The following ATG10 variants were observed in gnomAD, a reference collection of about 807,000 sequenced individuals.
The protein encoded by ATG10 is autophagy related 10.
In ATG10, 30 loss-of-function variants were observed where a neutral mutation model predicts 32.1. The ratio of observed to expected loss-of-function variants is 0.94; its 90% CI spans 0.70 to 1.27. The LOEUF (loss-of-function observed/expected upper bound fraction) is 1.27. Ranked by LOEUF, ATG10 falls within the 50% of genes most tolerant of loss-of-function variation. The pLI is 0.00. For synonymous variants in ATG10, 87 were observed against 91.5 expected, an observed-to-expected ratio of 0.95 and a Z score of 0.28; for missense variants, 233 against 262.3, an observed-to-expected ratio of 0.89 and a Z score of 0.77.
chr5:82,019,167 C>A (rs1246540377), intron 2 of ATG10, among the ~76,000 whole-genome samples: 2 of 152,112 alleles, frequency 1.3e-5, no homozygotes, highest in East Asian at 3.9e-4. Flanking sequence ...AATTAAAAAA[C>A]AAGTCAGTAT....
intron 2 of ATG10, among the ~76,000 whole-genome samples, chr5:82,048,859 C>A (rs1469976226): frequency 6.6e-6 from 1 of 152,162 alleles, no homozygotes. Flanking sequence ...TACCATCTCA[C>A]ACCAGTTAGA....
chr5:82,100,525 A>C (rs1040145606), intron 3 of ATG10, among the ~76,000 whole-genome samples: 1 of 152,114 alleles, frequency 6.6e-6, no homozygotes, highest in African/African-American at 2.4e-5. Flanking sequence ...ATTCTTAGAA[A>C]GAGAAAAAGA....
intron 3 of ATG10, among the ~76,000 whole-genome samples, chr5:82,156,646 G>T (rs993277785): frequency 2.6e-5 from 4 of 152,156 alleles, no homozygotes; most frequent in African/African-American, 9.7e-5. Flanking sequence ...TATGTCACAT[G>T]TAAAGGGTAA....
chr5:82,075,781 A>G (rs1764256892), intron 3 of ATG10, among the ~76,000 whole-genome samples: 1 of 152,094 alleles, frequency 6.6e-6, no homozygotes, highest in African/African-American at 2.4e-5. Flanking sequence ...CTAAAAATAC[A>G]AAAATTAGCC....
chr5:81,975,097 G>T (rs1017738596), intron 1 of ATG10, among the ~76,000 whole-genome samples: 19 of 152,098 alleles, frequency 1.2e-4, no homozygotes, highest in African/African-American at 4.6e-4. Flanking sequence ...ATAAAATAAA[G>T]AAAATCCTAG....
chr5:82,010,817 A>C (rs1407583112), intron 2 of ATG10, among the ~76,000 whole-genome samples: 1 of 152,216 alleles, frequency 6.6e-6, no homozygotes, highest in Non-Finnish European at 1.5e-5. Flanking sequence ...CTTCCAGAAC[A>C]AGTTGTGCAC....
At chr5:82,037,897 G>A (rs913069915) in intron 2 of ATG10, among the ~76,000 whole-genome samples, 1 of 151,760 alleles carries the variant, frequency 6.6e-6, no homozygotes. Flanking sequence ...ATTCATTTGT[G>A]GATTCAACTT....
At chr5:82,053,993 G>A (rs1233396323) in intron 2 of ATG10, among the ~76,000 whole-genome samples, 2 of 152,294 alleles carry the variant, frequency 1.3e-5, no homozygotes, top group South Asian at 4.1e-4. Flanking sequence ...ATGAGCTATG[G>A]TGTTCATGAA....
At chr5:82,084,735 C>A (rs191640651) in intron 3 of ATG10, among the ~76,000 whole-genome samples, 220 of 152,246 alleles carry the variant, frequency 1.4e-3, no homozygotes, top group Non-Finnish European at 1.7e-3. Context: ...CCAAACTAAG[C>A]TTCATAAGTG....
chr5:82,197,422 C>A (rs981194853), intron 5 of ATG10, among the ~76,000 whole-genome samples: 3 of 151,910 alleles, frequency 2.0e-5, no homozygotes, highest in Non-Finnish European at 4.4e-5. Flanking sequence ...ATTCTCTAAC[C>A]CTAACCAGCT....
chr5:82,162,628 C>G (rs2149897764), intron 3 of ATG10, among the ~76,000 whole-genome samples: 1 of 152,036 alleles, frequency 6.6e-6, no homozygotes, highest in South Asian at 2.1e-4. Context: ...TAGCAGAAAA[C>G]TATAATCAAC....
At chr5:82,165,657 C>G (rs1247828731) in intron 4 of ATG10, among the ~76,000 whole-genome samples, 2 of 152,158 alleles carry the variant, frequency 1.3e-5, no homozygotes, top group African/African-American at 4.8e-5. Flanking sequence ...CAAACTCTTG[C>G]TGTGGATTTA....
chr5:82,124,206 C>T (rs1049929092), intron 3 of ATG10, among the ~76,000 whole-genome samples: 17 of 150,920 alleles, frequency 1.1e-4, no homozygotes, highest in African/African-American at 1.9e-4. Context: ...GGCTTCACCA[C>T]GTTAGCCAGG....
intron 2 of ATG10, among the ~76,000 whole-genome samples, chr5:82,011,353 C>T (rs1762122793): frequency 6.6e-6 from 1 of 152,164 alleles, no homozygotes. Context: ...CTCTGCCCTC[C>T]TTGCCCATCA....
intron 3 of ATG10, among the ~76,000 whole-genome samples, chr5:82,079,293 A>G (rs1312101940): frequency 6.6e-6 from 1 of 152,134 alleles, no homozygotes; most frequent in Admixed American, 6.6e-5. Context: ...TCATGGCAGA[A>G]GGCAAGGGGA....
In ATG10 at chr5:82,215,111, G is replaced by A. The variant is rs780484875; in HGVS notation, c.453+36524G>A. Among the ~76,000 whole-genome samples, 4 of 152,240 alleles carry A rather than the reference G, an allele frequency of 2.6e-5. No individual in the cohort carries two copies. The East Asian group carries it at 5.8e-4, about 22-fold the overall frequency. The stretch of plus-strand genomic sequence containing the variant: ...GGCTTAGATGAGTCCTCTGGTTCTG[G>A]GTCTCTCACTGGGCTGACGTCATCT... On this transcript the variant is annotated intron_variant, in intron 5 of 7. Transcript: ENST00000282185.
intron 3 of ATG10, among the ~76,000 whole-genome samples, chr5:82,144,937 G>C (rs1464910021): frequency 6.6e-6 from 1 of 151,814 alleles, no homozygotes; most frequent in Non-Finnish European, 1.5e-5. Flanking sequence ...TTTTAGTTCT[G>C]TCAATTTTTG....
intron 5 of ATG10, among the ~76,000 whole-genome samples, chr5:82,251,493 G>A (rs1268984529): frequency 2.6e-5 from 4 of 152,142 alleles, no homozygotes; most frequent in Admixed American, 2.0e-4. Flanking sequence ...AAATAGGGAG[G>A]TCTGGCATGC....
At chr5:82,010,876 A>C (rs996721122) in intron 2 of ATG10, among the ~76,000 whole-genome samples, 1 of 152,178 alleles carries the variant, frequency 6.6e-6, no homozygotes, top group Non-Finnish European at 1.5e-5. Flanking sequence ...CTTTTTATGC[A>C]CACAGTGTTC....
Sources: gnomAD v4.1 joint callset for allele counts (sites outside exome capture counted in the v4.1 genomes callset) on GRCh38, gnomAD v4.1.1 for gene constraint, MANE v1.5 for transcripts, NCBI Gene and HGNC (gene_info 2026-07-23, HGNC 2026-07-21) for gene names.